THEMIS: variants seen among roughly 807,000 people sequenced by gnomAD.
THEMIS encodes protein THEMIS.
In THEMIS, 37 loss-of-function variants were observed where a neutral mutation model predicts 52.6. The ratio of observed to expected loss-of-function variants is 0.70; its 90% confidence interval spans 0.54 to 0.93. The LOEUF (loss-of-function observed/expected upper bound fraction) is 0.93, where lower values mean the gene tolerates loss of function less well. THEMIS is among the 40% of genes least tolerant of loss of function. The probability of loss-of-function intolerance (pLI) is 0.00; values close to 1 mark genes in which losing one functional copy is unlikely to be tolerated. For missense variants in THEMIS, 808 were observed against 763.1 expected (o/e 1.06, Z -0.69); for synonymous variants, 292 against 272.7 (o/e 1.07, Z -0.70).
intron 1 of THEMIS, among the ~76,000 whole-genome samples, chr6:127,896,806 G>T (rs34867897): frequency 0.065 from 9,839 of 151,420 alleles, 447 homozygotes; most frequent in Non-Finnish European, 0.1. Flanking sequence ...GAGAAACCTA[G>T]GCATTTATAT....
At chr6:127,819,886 G>A (rs1467717223) in intron 3 of THEMIS, among the ~76,000 whole-genome samples, 4 of 152,036 alleles carry the variant, frequency 2.6e-5, no homozygotes, top group East Asian at 3.8e-4. Context: ...AGAATAAAAC[G>A]TTTTATTTTT....
chr6:127,830,205 G>A (rs1778654763), intron 2 of THEMIS, among the ~76,000 whole-genome samples: 1 of 152,146 alleles, frequency 6.6e-6, no homozygotes, highest in African/African-American at 2.4e-5. Flanking sequence ...CTTGGAAATG[G>A]GAAATCTGGA....
At chr6:127,833,187 A>G (rs1778759776) in intron 2 of THEMIS, among the ~76,000 whole-genome samples, 1 of 152,148 alleles carries the variant, frequency 6.6e-6, no homozygotes, top group African/African-American at 2.4e-5. Flanking sequence ...GAAATGTAAT[A>G]GATTGACCTG....
chr6:127,707,312 T>C (rs1773824126), downstream of THEMIS, among the ~76,000 whole-genome samples: 1 of 151,690 alleles, frequency 6.6e-6, no homozygotes, highest in Non-Finnish European at 1.5e-5. Context: ...ATAGGAAGAG[T>C]ACAGAGAGAG....
chr6:127,830,012 TACAAC>T, intron 2 of THEMIS, 78 bp from the exon 3 acceptor site: 2 of 1,045,790 alleles, frequency 1.9e-6, no homozygotes, highest in Non-Finnish European at 2.8e-6. Context: ...AGGAGAGAGT[TACAAC>T]ACAAGTACTG....
Position 127,731,949 on chromosome 6 carries a change from G to A in THEMIS, c.1759-12126C>T, listed in dbSNP as rs147328836. On this transcript the variant is annotated intron_variant, in intron 4 of 5. Transcript: ENST00000368248. ...TCTCAATCTCCTGACCTCATGATCC[G>A]CTCACCTCGGCCTCCCAAAGTGCTG... Among the ~76,000 whole-genome samples the A allele has an allele frequency of 3.0e-3, 408 of 136,546 alleles. 3 individuals carry two copies. Among genetic ancestry groups the A allele is most frequent in the African/African-American group, 0.01 (385 of 36,724 alleles). 89.6% of individuals were successfully genotyped at this position (136,546 alleles called of 152,430 possible). A position where few individuals can be genotyped will look rare whatever the true frequency, so the allele number is the denominator to read the frequency against.
chr6:127,730,607 A>C (rs563525506), intron 4 of THEMIS, among the ~76,000 whole-genome samples: 1 of 152,324 alleles, frequency 6.6e-6, no homozygotes, highest in South Asian at 2.1e-4. Flanking sequence ...ATTCACTGCA[A>C]TTCTTTGGAA....
chr6:127,818,630 C>G (rs756160573), intron 3 of THEMIS, among the ~76,000 whole-genome samples: 1 of 149,832 alleles, frequency 6.7e-6, no homozygotes, highest in African/African-American at 2.4e-5. Context: ...AAAAAGCACA[C>G]TCTGAAGAGA....
At chr6:127,857,641 C>CT (rs549471007) in intron 1 of THEMIS, among the ~76,000 whole-genome samples, 2 of 152,032 alleles carry the variant, frequency 1.3e-5, no homozygotes, top group Admixed American at 6.6e-5. Context: ...CATTTGTACT[C>CT]TAAGTGTTTG....
chr6:127,872,193 A>T (rs1780177171), intron 1 of THEMIS, among the ~76,000 whole-genome samples: 1 of 152,242 alleles, frequency 6.6e-6, no homozygotes. Flanking sequence ...ACAGGCTAAA[A>T]AAAGGTATGG....
At chr6:127,773,105 G>A (rs1776442138) in intron 4 of THEMIS, among the ~76,000 whole-genome samples, 1 of 152,154 alleles carries the variant, frequency 6.6e-6, no homozygotes, top group African/African-American at 2.4e-5. Context: ...TAATTTAGAA[G>A]CTAGAGATAA....
chr6:127,829,779 T>G lies in THEMIS; in HGVS notation c.406A>C (p.Ile136Leu). ...ENLIIKQGEQ[I>L]MLNSVEEIDG... Reference sequence around the variant, plus strand: ...ATCTCTTCAACTGAGTTGAGCATGATTTGCTCACCCTGCTTTATGATGAGG... The same window carrying G: ...ATCTCTTCAACTGAGTTGAGCATGAGTTGCTCACCCTGCTTTATGATGAGG... The change falls in exon 3 of 6, where the codon ATC becomes CTC. Residue 136 changes from isoleucine (I) to leucine (L), a missense_variant. Ile to Leu is a conservative substitution (Grantham distance 5). Coordinates refer to ENST00000368248, the MANE Select transcript of THEMIS (RefSeq NM_001010923.3). The G allele has an allele frequency of 6.2e-7, 1 of 1,614,150 alleles. No homozygotes were observed. Among genetic ancestry groups the G allele is most frequent in the Non-Finnish European group, 8.5e-7 (1 of 1,180,012 alleles).
rs181574992 is a variant in THEMIS at position 127,786,057 on chromosome 6, T to A, written c.1758+26826A>T. Among the ~76,000 whole-genome samples the A allele has an allele frequency of 9.7e-4, 148 of 152,148 alleles. 1 individual carries two copies. The highest frequency in any genetic ancestry group is 2.0e-3 in the Non-Finnish European group (138 of 67,992). On this transcript the variant is annotated intron_variant, in intron 4 of 5. Transcript: ENST00000368248. ...AAAGTTTGAATATTTTATAAAACAT[T>A]AATGACTTTGATAGCTCTAGGTATT... is the stretch of plus-strand genomic sequence containing the variant.
chr6:127,818,333 G>T (rs2114624185), intron 3 of THEMIS, among the ~76,000 whole-genome samples: 1 of 152,152 alleles, frequency 6.6e-6, no homozygotes, highest in East Asian at 1.9e-4. Context: ...CACATCAACA[G>T]TGCTCCTGTA....
intron 4 of THEMIS, among the ~76,000 whole-genome samples, chr6:127,781,306 G>T (rs60525756): frequency 0.017 from 2,617 of 151,792 alleles, 84 homozygotes; most frequent in African/African-American, 0.06. Flanking sequence ...CTTTTTTCAA[G>T]GTTCTTAGCT....
intron 2 of THEMIS, among the ~76,000 whole-genome samples, chr6:127,837,337 C>T (rs144513998): frequency 6.6e-6 from 1 of 151,786 alleles, no homozygotes; most frequent in East Asian, 2.0e-4. Context: ...ACAGAGGAGC[C>T]CCCCCAAAAT....
intron 1 of THEMIS, among the ~76,000 whole-genome samples, chr6:127,874,927 G>A (rs1780269566): frequency 6.6e-6 from 1 of 152,344 alleles, no homozygotes; most frequent in East Asian, 1.9e-4. Flanking sequence ...CAGGAGGTGA[G>A]CAGCTGAACA....
intron 2 of THEMIS, 108 bp from the exon 3 acceptor site, chr6:127,830,042 G>A: frequency 1.3e-6 from 1 of 768,940 alleles, no homozygotes; most frequent in Non-Finnish European, 2.0e-6. Flanking sequence ...CATTTTTAAA[G>A]TGATATCTTT....
Position 127,872,580 on chromosome 6 carries a change from A to T in THEMIS, c.92-17392T>A, listed in dbSNP as rs572395363. Among the ~76,000 whole-genome samples, 32 of 152,052 alleles carry T rather than the reference A, an allele frequency of 2.1e-4. No individual in the cohort carries two copies. In the South Asian group the frequency reaches 6.4e-3, roughly 31 times the overall value. ...CTGTCTCAAAAGAAAAAAACAAAAA[A>T]CTCTCAGAAAAACTAGGAGTACAGA... On this transcript the variant is annotated intron_variant, in intron 1 of 5. Coordinates refer to ENST00000368248, the MANE Select transcript of THEMIS (RefSeq NM_001010923.3).
Sources: allele counts gnomAD v4.1 joint callset (sites outside exome capture counted in the v4.1 genomes callset), GRCh38; gene constraint gnomAD v4.1.1; transcripts MANE v1.5; gene names NCBI Gene and HGNC (gene_info 2026-07-23, HGNC 2026-07-21).